The following NCALD variants were observed in gnomAD, a reference collection of about 807,000 sequenced individuals.
NCALD encodes the protein neurocalcin-delta.
Under a neutral mutation model 18.6 loss-of-function variants are expected in NCALD, and 10 were observed. The ratio of observed to expected loss-of-function variants is 0.54; its 90% CI spans 0.33 to 0.91. The LOEUF is 0.91. Ranked by LOEUF, NCALD falls within the 40% of genes least tolerant of loss-of-function variation. NCALD has a pLI of 0.03. For missense variants in NCALD, 184 were observed against 247.6 expected (o/e 0.74, Z 1.72); for synonymous variants, 88 against 87.4 (o/e 1.01, Z -0.04).
chr8:101,946,265 G>A (rs1819167456), intron 2 of NCALD, among the ~76,000 whole-genome samples: 2 of 152,102 alleles, frequency 1.3e-5, no homozygotes, highest in Admixed American at 1.3e-4. Context: ...TTGAACTCCT[G>A]TTATGTGCCA....
chr8:101,795,310 C>T (rs376358060), upstream of NCALD, among the ~76,000 whole-genome samples: 34 of 152,200 alleles, frequency 2.2e-4, no homozygotes, highest in South Asian at 2.3e-3. Flanking sequence ...ATATATTGAG[C>T]GTCTTATTCC....
At chr8:101,737,068 T>A (rs1031229936) in intron 1 of NCALD, among the ~76,000 whole-genome samples, 2 of 152,146 alleles carry the variant, frequency 1.3e-5, no homozygotes, top group African/African-American at 4.8e-5. Context: ...CAAAACCACC[T>A]TTATTTGTCA....
At chr8:101,860,602 G>C (rs1815500623) in intron 4 of NCALD, among the ~76,000 whole-genome samples, 1 of 152,186 alleles carries the variant, frequency 6.6e-6, no homozygotes, top group African/African-American at 2.4e-5. Context: ...ATCATCACAA[G>C]TATCCATGTG....
At chr8:102,045,207 G>C (rs942198548) in intron 1 of NCALD, among the ~76,000 whole-genome samples, 4 of 152,154 alleles carry the variant, frequency 2.6e-5, no homozygotes, top group Admixed American at 6.5e-5. Flanking sequence ...GTAATCAAGT[G>C]GTTGAGAACT....
At position 101,863,431 on chromosome 8, in the gene NCALD, T is replaced by C. The variant is rs974213003; in HGVS notation, c.-20+23710A>G. ...TATCACCTCTATCACCTCCCCTTTC[T>C]TTTTGAAATGTTTTAAACCATGTTT... is the stretch of plus-strand genomic sequence containing the variant. On this transcript the variant is annotated intron_variant, in intron 4 of 6. Transcript: ENST00000311028. Among the ~76,000 whole-genome samples the C allele has an allele frequency of 3.9e-5, 6 of 152,340 alleles. No individual in the cohort carries two copies. The East Asian group carries it at 1.2e-3, about 29-fold the overall frequency.
intron 4 of NCALD, among the ~76,000 whole-genome samples, chr8:101,835,055 A>C (rs73277008): frequency 0.032 from 4,947 of 152,336 alleles, 276 homozygotes; most frequent in African/African-American, 0.11. Flanking sequence ...TCCAAAGGTT[A>C]TGTTTATTTC....
intron 1 of NCALD, among the ~76,000 whole-genome samples, chr8:102,105,628 T>C (rs935422164): frequency 3.3e-5 from 5 of 152,136 alleles, no homozygotes; most frequent in Non-Finnish European, 5.9e-5. Flanking sequence ...GAGGGGCTAA[T>C]TGAGCAGAGA....
chr8:102,114,015 C>T (rs958609954), intron 1 of NCALD, among the ~76,000 whole-genome samples: 1 of 152,220 alleles, frequency 6.6e-6, no homozygotes, highest in Non-Finnish European at 1.5e-5. Context: ...AGAACTAATG[C>T]TAAAAGCAGC....
At chr8:101,878,295 A>C (rs948476610) in intron 4 of NCALD, among the ~76,000 whole-genome samples, 2 of 152,256 alleles carry the variant, frequency 1.3e-5, no homozygotes, top group African/African-American at 4.8e-5. Context: ...TACATTTTAA[A>C]CTTTGAAAAA....
In NCALD at chr8:101,755,046, G is replaced by T. The variant is rs190177856; in HGVS notation, c.-19-35398C>A. The stretch of plus-strand genomic sequence containing the variant: ...CTATACTATCACTTATTTGGTACTT[G>T]GTTAGACACCACCTTGGATGGTGAC... On this transcript the variant is annotated intron_variant, in intron 1 of 3. Transcript: ENST00000220931. Among the ~76,000 whole-genome samples the T allele has an allele frequency of 2.3e-3, 356 of 152,278 alleles. 2 individuals are homozygous for T. Among genetic ancestry groups the T allele is most frequent in the Non-Finnish European group, 2.8e-3 (190 of 68,032 alleles).
At chr8:101,808,436 T>C (rs894138459) in intron 4 of NCALD, among the ~76,000 whole-genome samples, 1 of 152,226 alleles carries the variant, frequency 6.6e-6, no homozygotes, top group Non-Finnish European at 1.5e-5. Context: ...GGAGCGGCTA[T>C]TACATCTGTG....
chr8:102,108,527 A>G (rs1483868315), intron 1 of NCALD, among the ~76,000 whole-genome samples: 2 of 152,234 alleles, frequency 1.3e-5, no homozygotes, highest in East Asian at 3.8e-4. Flanking sequence ...TGCTGGACAG[A>G]AAACATCCTC....
At chr8:101,782,491 C>T (rs1268709691) in intron 1 of NCALD, among the ~76,000 whole-genome samples, 2 of 152,146 alleles carry the variant, frequency 1.3e-5, no homozygotes, top group East Asian at 3.8e-4. Flanking sequence ...CTGCTCCCAG[C>T]TTTCCCCAGC....
At chr8:102,040,384 G>A (rs1241123903) in intron 1 of NCALD, among the ~76,000 whole-genome samples, 2 of 151,498 alleles carry the variant, frequency 1.3e-5, no homozygotes, top group South Asian at 2.1e-4. Context: ...TGAGGCAGAA[G>A]AATCACTTGA....
At chr8:101,856,515 CT>C (rs1815327954) in intron 4 of NCALD, among the ~76,000 whole-genome samples, 1 of 151,854 alleles carries the variant, frequency 6.6e-6, no homozygotes. Context: ...TCTACATGGC[CT>C]TACGTGTAAG....
intron 2 of NCALD, among the ~76,000 whole-genome samples, chr8:101,956,167 A>G (rs528801605): frequency 3.0e-4 from 46 of 152,322 alleles, no homozygotes; most frequent in African/African-American, 1.1e-3. Context: ...TCATGGATGT[A>G]AAAGGAACAT....
At chr8:101,801,301 G>A (rs889137221) in intron 4 of NCALD, among the ~76,000 whole-genome samples, 10 of 151,960 alleles carry the variant, frequency 6.6e-5, no homozygotes, top group Non-Finnish European at 1.3e-4. Context: ...TACACAACCA[G>A]CAGAAAAAAG....
chr8:101,999,162 G>A (rs544644894), intron 2 of NCALD, among the ~76,000 whole-genome samples: 13 of 148,498 alleles, frequency 8.8e-5, no homozygotes, highest in Non-Finnish European at 1.6e-4. Context: ...TGAATAATAT[G>A]AGCTCTTTAG....
intron 2 of NCALD, among the ~76,000 whole-genome samples, chr8:102,015,831 G>C (rs749309241): frequency 1.3e-5 from 2 of 152,094 alleles, no homozygotes; most frequent in Non-Finnish European, 2.9e-5. Flanking sequence ...TTTCTAAAGG[G>C]CAAGTGTGGG....
Sources: allele counts gnomAD v4.1 joint callset (sites outside exome capture counted in the v4.1 genomes callset), GRCh38; gene constraint gnomAD v4.1.1; transcripts MANE v1.5; gene names NCBI Gene and HGNC (gene_info 2026-07-23, HGNC 2026-07-21).